SHF: variants seen among roughly 807,000 people sequenced by gnomAD.
SHF encodes the protein SH2 domain-containing adapter protein F.
SHF carries 30 observed loss-of-function variants against 42.4 expected under a neutral mutation model. That is an observed-to-expected ratio of 0.71 (90% CI 0.53 to 0.96). SHF has a LOEUF of 0.96. Ranked by LOEUF, SHF falls within the 40% of genes least tolerant of loss-of-function variation. The pLI, the probability that SHF is intolerant of heterozygous loss-of-function variation, is 0.00. For synonymous variants in SHF, 264 were observed against 269.9 expected (o/e 0.98, Z 0.21); for missense variants, 598 against 634.0 (o/e 0.94, Z 0.61).
At chr15:45,170,094 G>T in intron 6 of SHF, 1 of 163,066 alleles carries the variant, frequency 6.1e-6, no homozygotes, top group Non-Finnish European at 1.3e-5. Context: ...GGCTGGCAGG[G>T]CTCCACTTTG....
intron 6 of SHF, 119 bp from the exon 7 acceptor site, chr15:45,168,252 T>G: frequency 1.0e-6 from 1 of 992,546 alleles, no homozygotes. Context: ...CAGCTGAGAA[T>G]GACAGGTGAT....
intron 1 of SHF, among the ~76,000 whole-genome samples, chr15:45,181,597 A>G (rs534425670): frequency 3.5e-4 from 53 of 152,314 alleles, no homozygotes; most frequent in Admixed American, 2.0e-3. Context: ...TAGGTACTCA[A>G]TGTATACTAA....
intron 2 of SHF, chr15:45,198,730 A>G (rs754675253): frequency 1.9e-6 from 3 of 1,582,534 alleles, no homozygotes; most frequent in East Asian, 2.2e-5. Context: ...TTCAACAGTC[A>G]TAGGCCTTCC....
At chr15:45,175,162 G>A in intron 3 of SHF, 57 bp downstream of exon 3, 1 of 1,530,162 alleles carries the variant, frequency 6.5e-7, no homozygotes, top group South Asian at 1.2e-5. Flanking sequence ...CCATTCTCTT[G>A]AGCCTGGAAA....
intron 6 of SHF, 27 bp downstream of exon 6, chr15:45,171,856 C>T (rs1897506388): frequency 6.2e-7 from 1 of 1,606,818 alleles, no homozygotes; most frequent in Non-Finnish European, 8.5e-7. Flanking sequence ...GCTTGCTGTC[C>T]CTGAAACCAC....
chr15:45,169,115 C>T (rs138535248), intron 6 of SHF, among the ~76,000 whole-genome samples: 24 of 152,240 alleles, frequency 1.6e-4, no homozygotes, highest in African/African-American at 4.8e-4. Flanking sequence ...GGGACAAGGA[C>T]GGGGCTTAGA....
In SHF at chr15:45,168,023, T is replaced by C; in HGVS notation, c.1391A>G (p.Tyr464Cys). The change falls in exon 7 of 7, where the codon TAT (tyrosine) becomes TGT (cysteine). Residue 464 changes from tyrosine (Y) to cysteine (C), a missense_variant. Around this residue, in one of 2 missense-constraint regions of SHF, gnomAD observed 439 missense variants for 524.6 expected, o/e 0.84. Transcript: ENST00000690270. Reference sequence around the variant, plus strand: ...CTTAATGGGTAGCTTGCGGCTGGCATAGTGGTGCACAATTTCAGGGACGCT... The same window carrying C: ...CTTAATGGGTAGCTTGCGGCTGGCACAGTGGTGCACAATTTCAGGGACGCT... ...FSSVPEIVHHYASRKLPIKGA... is the reference protein window; with the variant it reads ...FSSVPEIVHHCASRKLPIKGA... 1 of 1,613,702 alleles carries C rather than the reference T, an allele frequency of 6.2e-7. No individual in the cohort carries two copies. The highest frequency in any genetic ancestry group is 1.1e-5 in the South Asian group (1 of 90,980).
chr15:45,183,601 C>T (rs558727834), intron 1 of SHF, among the ~76,000 whole-genome samples: 2 of 152,202 alleles, frequency 1.3e-5, no homozygotes, highest in Admixed American at 6.5e-5. Flanking sequence ...ATGGAGTGGG[C>T]AGCAGGTATC....
chr15:45,189,037 A>C (rs546111242), upstream of SHF, among the ~76,000 whole-genome samples: 342 of 151,952 alleles, frequency 2.3e-3, 2 homozygotes, highest in Non-Finnish European at 3.9e-3. Context: ...CCAAAAATAC[A>C]AAAAAATTAG....
intron 4 of SHF, 31 bp downstream of exon 4, chr15:45,173,545 T>A (rs1335808243): frequency 1.4e-5 from 21 of 1,467,596 alleles, no homozygotes; most frequent in Non-Finnish European, 1.8e-5. Flanking sequence ...TGAGGACATG[T>A]CACCCTGGCC....
chr15:45,186,930 TG>T (rs1234224909), intron 1 of SHF, among the ~76,000 whole-genome samples: 1 of 152,212 alleles, frequency 6.6e-6, no homozygotes, highest in Non-Finnish European at 1.5e-5. Context: ...ACCTCCTTTC[TG>T]GGGCTTCAGC....
intron 6 of SHF, among the ~76,000 whole-genome samples, 169 bp from the exon 7 acceptor site, chr15:45,168,302 G>T (rs1358436894): frequency 6.6e-6 from 1 of 152,216 alleles, no homozygotes; most frequent in African/African-American, 2.4e-5. Context: ...AGGGGTGGTG[G>T]TGGTGTAAGT....
chr15:45,179,385 C>A (rs1169854324), intron 1 of SHF, among the ~76,000 whole-genome samples: 2 of 152,178 alleles, frequency 1.3e-5, no homozygotes, highest in African/African-American at 2.4e-5. Context: ...TTGGGACAGA[C>A]CTGAAGTTGT....
At chr15:45,191,892 C>A (rs1352254330), upstream of SHF, among the ~76,000 whole-genome samples, 1 of 150,036 alleles carries the variant, frequency 6.7e-6, no homozygotes, top group Non-Finnish European at 1.5e-5. Flanking sequence ...TGTTCAAAAC[C>A]AGGCTGGGCA....
chr15:45,171,369 A>G (rs546967787), intron 6 of SHF: 1 of 160,742 alleles, frequency 6.2e-6, no homozygotes, highest in Non-Finnish European at 1.4e-5. Flanking sequence ...TCTTCCTCAG[A>G]GTAAACAGAA....
chr15:45,182,576 G>T (rs1898185621), intron 1 of SHF, among the ~76,000 whole-genome samples: 2 of 152,178 alleles, frequency 1.3e-5, no homozygotes, highest in South Asian at 2.1e-4. Context: ...CTGGCCTCCT[G>T]ACTTGTAGTA....
upstream of SHF, among the ~76,000 whole-genome samples, chr15:45,190,100 C>T (rs1033340666): frequency 6.6e-6 from 1 of 152,182 alleles, no homozygotes; most frequent in Admixed American, 6.5e-5. Flanking sequence ...TTCTGACTCT[C>T]TAGGTCTAGC....
intron 1 of SHF, among the ~76,000 whole-genome samples, chr15:45,185,955 G>A (rs1235848163): frequency 6.6e-6 from 1 of 152,248 alleles, no homozygotes; most frequent in African/African-American, 2.4e-5. Context: ...TGGCTTGGTG[G>A]GCAGCCTGTT....
At chr15:45,195,742 G>C (rs904106220) in intron 2 of SHF, among the ~76,000 whole-genome samples, 1 of 152,114 alleles carries the variant, frequency 6.6e-6, no homozygotes, top group African/African-American at 2.4e-5. Flanking sequence ...TTCTCACTGG[G>C]TACTGAGTAC....
Sources: gnomAD v4.1 joint callset for allele counts (sites outside exome capture counted in the v4.1 genomes callset) on GRCh38, gnomAD v4.1.1 for gene constraint, gnomAD v4.1.1 regional missense constraint, MANE v1.5 for transcripts, NCBI Gene and HGNC (gene_info 2026-07-23, HGNC 2026-07-21) for gene names.